LBHD1: variants seen among roughly 807,000 people sequenced by gnomAD.
LBHD1 encodes the protein LBH domain-containing protein 1.
In LBHD1, 28 loss-of-function variants were observed where a neutral mutation model predicts 31.1. That is an observed-to-expected ratio of 0.90 (90% CI 0.67 to 1.24). LBHD1 has a LOEUF of 1.24. Ranked by LOEUF, LBHD1 falls within the 50% of genes most tolerant of loss-of-function variation. LBHD1 has a pLI of 0.00. For missense variants in LBHD1, 350 were observed against 323.0 expected (o/e 1.08, Z -0.64); for synonymous variants, 105 against 116.5 (o/e 0.90, Z 0.63).
chr11:62,663,414 A>G, intron 5 of LBHD1, 81 bp from the exon 6 acceptor site: 2 of 1,428,156 alleles, frequency 1.4e-6, no homozygotes, highest in African/African-American at 2.8e-5. Flanking sequence ...CTATAGAAAA[A>G]GTATTAAATA....
intron 4 of LBHD1, chr11:62,666,322 G>T: frequency 2.9e-6 from 4 of 1,385,648 alleles, no homozygotes; most frequent in Non-Finnish European, 4.0e-6. Flanking sequence ...AAAAAAAAAA[G>T]ACGCCAGTGT....
chr11:62,670,103 T>C, intron 1 of LBHD1, 62 bp from the exon 2 acceptor site: 7 of 1,497,458 alleles, frequency 4.7e-6, no homozygotes, highest in Non-Finnish European at 5.4e-6. Flanking sequence ...CCCCACAAAC[T>C]GTTCCTTTAA....
At chr11:62,665,459 C>T (rs764884177) in intron 4 of LBHD1, 43 of 1,566,886 alleles carry the variant, frequency 2.7e-5, no homozygotes, top group Non-Finnish European at 3.6e-5. Context: ...TGTGGTGCCG[C>T]TCCCCGTAAT....
At chr11:62,670,893 G>C (rs761346269) in intron 1 of LBHD1, 2 of 184,170 alleles carry the variant, frequency 1.1e-5, no homozygotes, top group Non-Finnish European at 2.3e-5. Context: ...CTGGGCAACA[G>C]AGTGAGACTC....
chr11:62,664,736 C>A, intron 5 of LBHD1, 113 bp downstream of exon 5: 4 of 1,355,592 alleles, frequency 3.0e-6, no homozygotes, highest in Non-Finnish European at 4.0e-6. Flanking sequence ...AGACATTCCC[C>A]GCATAAGCGT....
intron 4 of LBHD1, chr11:62,666,386 G>A (rs1177502234): frequency 4.4e-6 from 7 of 1,606,320 alleles, no homozygotes; most frequent in Admixed American, 3.3e-5. Flanking sequence ...CCCTCCAACC[G>A]TGCCCACAGG....
chr11:62,670,116 T>A, intron 1 of LBHD1, 75 bp from the exon 2 acceptor site: 9 of 1,453,218 alleles, frequency 6.2e-6, no homozygotes, highest in Admixed American at 4.5e-5. Flanking sequence ...TCCTTTAATC[T>A]TCTTTGGAGC....
chr11:62,664,591 A>G (rs1176516920), intron 5 of LBHD1, among the ~76,000 whole-genome samples: 1 of 152,082 alleles, frequency 6.6e-6, no homozygotes, highest in Non-Finnish European at 1.5e-5. Flanking sequence ...TCAGCCCCCC[A>G]AAGTGCTGGG....
intron 5 of LBHD1, among the ~76,000 whole-genome samples, chr11:62,663,914 A>G (rs1944720027): frequency 6.6e-6 from 1 of 150,424 alleles, no homozygotes; most frequent in Non-Finnish European, 1.5e-5. Flanking sequence ...CTCTACTAAA[A>G]ATACAAAAAT....
At position 62,670,292 on chromosome 11, in the gene LBHD1, A is replaced by C. The variant is rs1944915795; in HGVS notation, c.-10-251T>G. On this transcript the variant is annotated intron_variant, in intron 1 of 6. Transcript: ENST00000354588. ...ACCTGGATTAAAGCCCTGTGGGCCA[A>C]GAGTTGTGATAACCAACTTGGAATT... 1.1e-5 allele frequency: 5 copies of C among 472,498 alleles called. No individual in the cohort carries two copies. In the South Asian group the frequency reaches 2.1e-4, roughly 20 times the overall value. The allele number at this position is 472,498 out of a possible 1,614,324, so 29.3% of individuals were successfully genotyped here. A position where few individuals can be genotyped will look rare whatever the true frequency, so the allele number is the denominator to read the frequency against.
At chr11:62,667,460 G>C (rs1251797706) in intron 4 of LBHD1, 63 bp downstream of exon 4, 2 of 1,518,170 alleles carry the variant, frequency 1.3e-6, no homozygotes, top group Non-Finnish European at 1.8e-6. Flanking sequence ...ATTGTAAGAG[G>C]ATGGGTATAA....
chr11:62,664,969 A>G lies in LBHD1; in HGVS notation c.543T>C (p.Ala181=). 2 of 1,611,508 alleles carry G rather than the reference A, an allele frequency of 1.2e-6. No homozygotes were observed. The change falls in exon 5 of 7, where the codon GCT becomes GCC. Residue 181 remains alanine (A), a synonymous_variant. Coordinates refer to ENST00000354588, the MANE Select transcript of LBHD1 (RefSeq NM_024099.5). ...HLLPPNSFEG[A]EEEAVQTPAG... ...CCGGCGTTTGAACAGCTTCTTCTTC[A>G]GCTCCTGCCGGGGAGAAAGATGCGA...
At chr11:62,665,044 C>G (rs907032848) in intron 4 of LBHD1, 71 bp from the exon 5 acceptor site, 1 of 1,592,462 alleles carries the variant, frequency 6.3e-7, no homozygotes. Context: ...ACCAGGCAGC[C>G]CCGGCCCCTC....
At position 62,671,783 on chromosome 11, in the gene LBHD1, T is replaced by C; in HGVS notation, c.-230A>G. ...CGGAAAATGCTGATCTCAGTCGCAA[T>C]GCTGGGCGCAGGGGCTGGCGTGGGC... On this transcript the variant is annotated 5_prime_UTR_variant, in exon 1 of 7. Coordinates refer to ENST00000354588, the MANE Select transcript of LBHD1 (RefSeq NM_024099.5). The C allele has an allele frequency of 6.2e-7, 1 of 1,614,086 alleles. No homozygotes were observed. Among genetic ancestry groups the C allele is most frequent in the Non-Finnish European group, 8.5e-7 (1 of 1,179,984 alleles).
intron 4 of LBHD1, chr11:62,665,796 TC>T: frequency 1.9e-6 from 3 of 1,561,436 alleles, no homozygotes; most frequent in South Asian, 1.2e-5. Context: ...TTGCAGATCT[TC>T]CCCTGGACCT....
intron 4 of LBHD1, chr11:62,666,149 C>G (rs1041301983): frequency 1.2e-5 from 9 of 728,544 alleles, no homozygotes; most frequent in Non-Finnish European, 1.6e-5. Flanking sequence ...GAGTTCGAGA[C>G]CAACCTAGGG....
intron 5 of LBHD1, among the ~76,000 whole-genome samples, chr11:62,663,865 G>A (rs552443399): frequency 6.6e-6 from 1 of 151,400 alleles, no homozygotes; most frequent in South Asian, 2.1e-4. Context: ...CTGAGGTCAG[G>A]AGTTCAAGAC....
In LBHD1 at chr11:62,663,345, G is replaced by A. The variant is rs536440031; in HGVS notation, c.664-12C>T. Reference sequence around the variant, plus strand: ...CACGTGCACTGGACCTGATGGGTAAGTGGAAATAAAGAGAGCTAGGTTAAC... The same window carrying A: ...CACGTGCACTGGACCTGATGGGTAAATGGAAATAAAGAGAGCTAGGTTAAC... On this transcript the variant is annotated splice_polypyrimidine_tract_variant and intron_variant, in intron 5 of 6. Transcript: ENST00000354588. The A allele has an allele frequency of 6.2e-7, 1 of 1,612,498 alleles. No individual in the cohort carries two copies. Among genetic ancestry groups the A allele is most frequent in the Non-Finnish European group, 8.5e-7 (1 of 1,179,106 alleles).
At chr11:62,665,162 G>T in intron 4 of LBHD1, 189 bp from the exon 5 acceptor site, 4 of 904,608 alleles carry the variant, frequency 4.4e-6, no homozygotes, top group Non-Finnish European at 7.0e-6. Context: ...TCCCCCCGGA[G>T]CTCCCATAGT....
Sources: gnomAD v4.1 joint callset for allele counts (sites outside exome capture counted in the v4.1 genomes callset) on GRCh38, gnomAD v4.1.1 for gene constraint, MANE v1.5 for transcripts, NCBI Gene and HGNC (gene_info 2026-07-23, HGNC 2026-07-21) for gene names.